ITPR2: variants seen among roughly 807,000 people sequenced by gnomAD.
ITPR2 encodes inositol 1,4,5-trisphosphate-gated calcium channel ITPR2.
A neutral mutation model predicts 317.1 loss-of-function variants in ITPR2; 207 were observed. That is an observed-to-expected ratio of 0.65 (90% CI 0.58 to 0.73). The LOEUF (loss-of-function observed/expected upper bound fraction) is 0.73, where lower values mean the gene tolerates loss of function less well. Among genes scored for constraint, ITPR2 ranks in the 30% least tolerant of loss-of-function variants. ITPR2 has a pLI of 0.00. For missense variants in ITPR2, 2,613 were observed against 3,284.0 expected, an observed-to-expected ratio of 0.80 and a Z score of 4.99; for synonymous variants, 1,156 against 1,149.1, an observed-to-expected ratio of 1.01 and a Z score of -0.12.
intron 37 of ITPR2, among the ~76,000 whole-genome samples, chr12:26,497,130 T>A (rs116280809): frequency 2.0e-5 from 3 of 146,814 alleles, no homozygotes; most frequent in Non-Finnish European, 4.5e-5. Flanking sequence ...TTTAACCAAA[T>A]TGAACCATGT....
At chr12:26,741,444 T>A (rs1949227042) in intron 2 of ITPR2, among the ~76,000 whole-genome samples, 1 of 152,266 alleles carries the variant, frequency 6.6e-6, no homozygotes, top group Non-Finnish European at 1.5e-5. Flanking sequence ...ACCTCTGTTT[T>A]AGCCAGTTTT....
At position 26,338,011 on chromosome 12, in the gene ITPR2, C is replaced by G. The variant is rs1038802424; in HGVS notation, c.*1386G>C. ...TAGCAAACCCTATCTAGACCTTAAA[C>G]CTTGGCGTTGATAACTGAGAATTTA... On this transcript the variant is annotated 3_prime_UTR_variant, in exon 57 of 57. Coordinates refer to ENST00000381340, the MANE Select transcript of ITPR2 (RefSeq NM_002223.4). 6.6e-6 allele frequency: 1 copy of G among 152,172 alleles called. No individual in the cohort carries two copies. Among genetic ancestry groups the G allele is most frequent in the Non-Finnish European group, 1.5e-5 (1 of 68,050 alleles). The allele number at this position is 152,172 out of a possible 1,614,324, so 9.4% of individuals were successfully genotyped here.
chr12:26,676,989 A>G (rs752925798), intron 13 of ITPR2, among the ~76,000 whole-genome samples: 1 of 152,196 alleles, frequency 6.6e-6, no homozygotes, highest in Non-Finnish European at 1.5e-5. Flanking sequence ...GCAAAACCAA[A>G]GCATGCCGCG....
chr12:26,817,038 G>A (rs559951484), intron 1 of ITPR2, among the ~76,000 whole-genome samples: 1 of 151,642 alleles, frequency 6.6e-6, no homozygotes. Context: ...AAAATTAGCC[G>A]GGCATGGTGG....
At chr12:26,509,136 C>T (rs948578460) in intron 37 of ITPR2, among the ~76,000 whole-genome samples, 10 of 152,180 alleles carry the variant, frequency 6.6e-5, no homozygotes, top group African/African-American at 2.4e-4. Context: ...GAGGCAGTCA[C>T]AAAAGACCAC....
rs543010232 is a variant in ITPR2, at chr12:26,829,241, C to T, written c.92+3449G>A. Among the ~76,000 whole-genome samples, 5 of 152,186 alleles carry T rather than the reference C, an allele frequency of 3.3e-5. No homozygotes were observed. In the South Asian group the frequency reaches 6.2e-4, roughly 19 times the overall value. The stretch of plus-strand genomic sequence containing the variant: ...AATTTTTTATTATAAAAAAAATTAA[C>T]GCTTTCTGCACTGCCCTGTTTTCAA... On this transcript the variant is annotated intron_variant, in intron 1 of 56. Transcript: ENST00000381340.
chr12:26,820,744 G>A (rs527707326), intron 1 of ITPR2, among the ~76,000 whole-genome samples: 1 of 152,300 alleles, frequency 6.6e-6, no homozygotes, highest in African/African-American at 2.4e-5. Flanking sequence ...ATCAACTGAT[G>A]AATGGATAAA....
At chr12:26,703,654 C>G (rs1565705226) in intron 9 of ITPR2, among the ~76,000 whole-genome samples, 2 of 152,188 alleles carry the variant, frequency 1.3e-5, no homozygotes, top group African/African-American at 4.8e-5. Flanking sequence ...CTAATACTTT[C>G]ATTATATCGG....
chr12:26,473,296 G>A (rs1161325322), intron 45 of ITPR2, among the ~76,000 whole-genome samples: 2 of 152,098 alleles, frequency 1.3e-5, no homozygotes, highest in Non-Finnish European at 2.9e-5. Context: ...GGTCATCTGA[G>A]ACTGCTTTAT....
intron 37 of ITPR2, among the ~76,000 whole-genome samples, chr12:26,515,334 G>A (rs1348670760): frequency 6.6e-6 from 1 of 152,034 alleles, no homozygotes; most frequent in Non-Finnish European, 1.5e-5. Flanking sequence ...TGATTTTCTG[G>A]GGCAAGTGTG....
intron 34 of ITPR2, among the ~76,000 whole-genome samples, chr12:26,568,675 G>A (rs1294388396): frequency 6.6e-6 from 1 of 152,128 alleles, no homozygotes; most frequent in East Asian, 1.9e-4. Context: ...CTGACAGGTA[G>A]GGGGGAAAGG....
intron 52 of ITPR2, among the ~76,000 whole-genome samples, chr12:26,410,639 T>G (rs1426415358): frequency 6.6e-6 from 1 of 152,150 alleles, no homozygotes; most frequent in Admixed American, 6.5e-5. Context: ...TGACAACCCT[T>G]AAGATATTTG....
intron 2 of ITPR2, among the ~76,000 whole-genome samples, chr12:26,765,762 A>C (rs1949709725): frequency 6.6e-6 from 1 of 152,094 alleles, no homozygotes; most frequent in Non-Finnish European, 1.5e-5. Flanking sequence ...ATTTTTATCA[A>C]TTCAAAAGGA....
chr12:26,530,578 A>G (rs934415186), intron 37 of ITPR2, among the ~76,000 whole-genome samples: 3 of 152,212 alleles, frequency 2.0e-5, no homozygotes, highest in African/African-American at 7.2e-5. Flanking sequence ...TAATATTTCT[A>G]TACATAAGCT....
At chr12:26,687,564 C>T (rs1428496575) in intron 10 of ITPR2, among the ~76,000 whole-genome samples, 1 of 152,152 alleles carries the variant, frequency 6.6e-6, no homozygotes, top group Non-Finnish European at 1.5e-5. Flanking sequence ...GCTGCTGCGA[C>T]AACAAGATAT....
chr12:26,599,949 A>G (rs1406699169), intron 29 of ITPR2, 38 bp downstream of exon 29: 1 of 1,503,154 alleles, frequency 6.7e-7, no homozygotes, highest in African/African-American at 1.4e-5. Context: ...TTTGATGCAC[A>G]CTTTACTAGA....
intron 34 of ITPR2, among the ~76,000 whole-genome samples, chr12:26,573,002 T>C (rs1326611507): frequency 6.9e-6 from 1 of 145,872 alleles, no homozygotes; most frequent in East Asian, 2.0e-4. Flanking sequence ...ATTTCATTTA[T>C]TTATTTATTT....
At chr12:26,370,539 C>T (rs1225090623) in intron 55 of ITPR2, among the ~76,000 whole-genome samples, 4 of 152,178 alleles carry the variant, frequency 2.6e-5, no homozygotes, top group Non-Finnish European at 1.5e-5. Flanking sequence ...AAATCTCTTA[C>T]CATTTTCTTT....
intron 34 of ITPR2, among the ~76,000 whole-genome samples, chr12:26,569,262 A>G (rs559290036): frequency 6.6e-6 from 1 of 152,208 alleles, no homozygotes; most frequent in Non-Finnish European, 1.5e-5. Flanking sequence ...AAATGGCAAG[A>G]AAAAAAATAT....
Sources: allele counts gnomAD v4.1 joint callset (sites outside exome capture counted in the v4.1 genomes callset), GRCh38; gene constraint gnomAD v4.1.1; transcripts MANE v1.5; gene names NCBI Gene and HGNC (gene_info 2026-07-23, HGNC 2026-07-21).